The following RAG1 variants were observed in gnomAD, a reference collection of about 807,000 sequenced individuals.
RAG1 encodes the protein recombination activating 1.
In RAG1, 35 loss-of-function variants were observed where a neutral mutation model predicts 62.7. That is an observed-to-expected ratio of 0.56 (90% CI 0.43 to 0.74). RAG1 has a LOEUF of 0.74. RAG1 is among the 30% of genes least tolerant of loss of function. The probability of loss-of-function intolerance (pLI) is 0.00; values close to 1 mark genes in which losing one functional copy is unlikely to be tolerated. For missense variants in RAG1, 1,169 were observed against 1,278.6 expected (o/e 0.91, Z 1.31); for synonymous variants, 461 against 470.3 (o/e 0.98, Z 0.26).
In RAG1 at chr11:36,576,733, G is replaced by A. The variant is rs1850858648; in HGVS notation, c.*297G>A. 2.5e-6 allele frequency: 1 copy of A among 397,770 alleles called. No homozygotes were observed. The highest frequency in any genetic ancestry group is 3.2e-5 in the South Asian group (1 of 30,962). 24.6% of individuals were successfully genotyped at this position (397,770 alleles called of 1,614,324 possible). A position where few individuals can be genotyped will look rare whatever the true frequency, so the allele number is the denominator to read the frequency against. ...AGATGAGCAAAGATCTGTGTGTGTTGGGGAGCTGTCATGTAAATCAAAGCC... is the reference window on the plus strand; with the variant it reads ...AGATGAGCAAAGATCTGTGTGTGTTAGGGAGCTGTCATGTAAATCAAAGCC... On this transcript the variant is annotated 3_prime_UTR_variant, in exon 2 of 2. Coordinates refer to ENST00000299440, the MANE Select transcript of RAG1 (RefSeq NM_000448.3).
intron 3 of RAG1, among the ~76,000 whole-genome samples, chr11:36,561,112 T>C (rs114570077): frequency 0.019 from 2,849 of 152,312 alleles, 96 homozygotes; most frequent in African/African-American, 0.064. Context: ...TGGATTAAAC[T>C]GGAAGCTGGA....
In RAG1 at chr11:36,577,452, C is replaced by T. The variant is rs1177634522; in HGVS notation, c.*1016C>T. 1 of 167,018 alleles carries T rather than the reference C, an allele frequency of 6.0e-6. No individual in the cohort carries two copies. The highest frequency in any genetic ancestry group is 1.5e-5 in the Non-Finnish European group (1 of 68,122). 10.3% of individuals were successfully genotyped at this position (167,018 alleles called of 1,614,324 possible). A position where few individuals can be genotyped will look rare whatever the true frequency, so the allele number is the denominator to read the frequency against. On this transcript the variant is annotated 3_prime_UTR_variant, in exon 2 of 2. Coordinates refer to ENST00000299440, the MANE Select transcript of RAG1 (RefSeq NM_000448.3). Reference sequence around the variant, plus strand: ...AGGTTTCATAGAGTCCTCTCCTCTGCAATGTGTTATTCTTTCTATAATGAT... The same window carrying T: ...AGGTTTCATAGAGTCCTCTCCTCTGTAATGTGTTATTCTTTCTATAATGAT...
chr11:36,510,943 G>A (rs1402813465), exon 1 of RAG1: 1 of 152,206 alleles, frequency 6.6e-6, no homozygotes, highest in East Asian at 1.9e-4. Flanking sequence ...CCACCTCTTA[G>A]GGGAGGTTTT....
Position 36,518,493 on chromosome 11 carries a change from C to A in RAG1, n.331-1639C>A, listed in dbSNP as rs897640432. 7.9e-5 allele frequency among the ~76,000 whole-genome samples: 12 copies of A among 152,214 alleles called. 1 individual carries two copies. Among genetic ancestry groups the A allele is most frequent in the Admixed American group, 7.2e-4 (11 of 15,282 alleles). ...GTGTTCCTATTTCTCCACATCCTCT[C>A]CAGCACTTGTTGTTTCCTGACTTTT... On this transcript the variant is annotated intron_variant and non_coding_transcript_variant, in intron 1 of 2. Transcript: ENST00000529126.
intron 2 of RAG1, among the ~76,000 whole-genome samples, chr11:36,520,406 C>G (rs1478270821): frequency 6.6e-6 from 1 of 152,036 alleles, no homozygotes; most frequent in Non-Finnish European, 1.5e-5. Flanking sequence ...GTAGCTGGGA[C>G]TACAGGCTCG....
chr11:36,550,709 C>G lies in RAG1; in HGVS notation c.-411-12676C>G, dbSNP rs921168072. ...GTCTTTTCTCAGTGCCTTTTTCCTT[C>G]TCTTGCCTAGTTGGACTTAATTCTC... On this transcript the variant is annotated intron_variant and NMD_transcript_variant, in intron 3 of 9. Transcript: ENST00000534663. Among the ~76,000 whole-genome samples, 37 of 152,242 alleles carry G rather than the reference C, an allele frequency of 2.4e-4. 1 individual carries two copies. The highest frequency in any genetic ancestry group is 8.5e-4 in the Admixed American group (13 of 15,286).
rs187498735 is a variant in RAG1 at position 36,568,522 on chromosome 11, T to C, written c.-15+400T>C. Among the ~76,000 whole-genome samples the C allele has an allele frequency of 2.9e-3, 443 of 152,300 alleles. 2 individuals are homozygous for C. Among genetic ancestry groups the C allele is most frequent in the African/African-American group, 0.01 (432 of 41,570 alleles). ...GTATGGTTTCCCAGGTATTAACAAG[T>C]ATTGCCAGGCATTTCCTGAACTAGA... On this transcript the variant is annotated intron_variant, in intron 1 of 1. Coordinates refer to ENST00000299440, the MANE Select transcript of RAG1 (RefSeq NM_000448.3).
In RAG1 at chr11:36,575,352, AG is replaced by A. The variant is rs771963818; in HGVS notation, c.2050del (p.Ala684ProfsTer2). 1 of 1,614,098 alleles carries A rather than the reference AG, an allele frequency of 6.2e-7. No homozygotes were observed. Among genetic ancestry groups the A allele is most frequent in the East Asian group, 2.2e-5 (1 of 44,866 alleles). On this transcript the variant is annotated frameshift_variant, in exon 2 of 2. Coordinates refer to ENST00000299440, the MANE Select transcript of RAG1 (RefSeq NM_000448.3). LOFTEE classifies it high-confidence loss of function. This position sits in a 1 kb window ranked among gnomAD's most constrained non-coding sequence, Gnocchi z 4.1. The stretch of plus-strand genomic sequence containing the variant: ...CTGAGTCCTCTCATTGCTGAGAGGG[AG>A]GCCATGAAGAGCAGTGAATTAATGC... ...AILSPLIAER[E>X]AMKSSELMLE...
intron 3 of RAG1, among the ~76,000 whole-genome samples, chr11:36,559,446 A>G (rs1210727239): frequency 6.6e-6 from 1 of 152,180 alleles, no homozygotes; most frequent in African/African-American, 2.4e-5. Flanking sequence ...CTAATATTTT[A>G]TTAGAGTTTC....
At chr11:36,545,630 T>C (rs1351737509) in intron 3 of RAG1, among the ~76,000 whole-genome samples, 3 of 152,352 alleles carry the variant, frequency 2.0e-5, no homozygotes, top group East Asian at 3.9e-4. Context: ...TATTGCCAAA[T>C]TGCTGTCCAT....
At position 36,573,528 on chromosome 11, in the gene RAG1, T is replaced by A; in HGVS notation, c.224T>A (p.Val75Asp). 1 of 1,614,182 alleles carries A rather than the reference T, an allele frequency of 6.2e-7. No individual in the cohort carries two copies. Among genetic ancestry groups the A allele is most frequent in the Non-Finnish European group, 8.5e-7 (1 of 1,180,030 alleles). ...GACAAGGCTGATGGTCAGAAGCCAGTCCCAACTCAGCCATTGTTAAAAGCC... is the reference window on the plus strand; with the variant it reads ...GACAAGGCTGATGGTCAGAAGCCAGACCCAACTCAGCCATTGTTAAAAGCC... ...VLDKADGQKP[V>D]PTQPLLKAHP... The change falls in exon 2 of 2, where the codon GTC becomes GAC. Residue 75 changes from valine (V) to aspartate (D), a missense_variant. Physicochemically the swap from Val to Asp is radical, Grantham distance 152. This residue lies in a region of RAG1 where 369 missense variants were observed against 335.3 expected (regional missense o/e 1.10). Transcript: ENST00000299440.
chr11:36,564,747 G>A (rs1046414837), upstream of RAG1, among the ~76,000 whole-genome samples: 1 of 152,208 alleles, frequency 6.6e-6, no homozygotes, highest in Middle Eastern at 3.2e-3. Flanking sequence ...GGGGAGAAAT[G>A]AGCGTGTGGA....
chr11:36,541,752 T>A (rs1219471767), intron 3 of RAG1, among the ~76,000 whole-genome samples: 1 of 152,152 alleles, frequency 6.6e-6, no homozygotes, highest in Non-Finnish European at 1.5e-5. Flanking sequence ...GCCTGCAAAG[T>A]AGTTCATTCC....
intron 1 of RAG1, among the ~76,000 whole-genome samples, chr11:36,517,724 A>C (rs933892886): frequency 6.6e-6 from 1 of 152,208 alleles, no homozygotes; most frequent in Non-Finnish European, 1.5e-5. Flanking sequence ...GAATGCATCC[A>C]CCAAAAAGTC....
At position 36,573,493 on chromosome 11, in the gene RAG1, A is replaced by T. The variant is rs34357808; in HGVS notation, c.189A>T (p.Pro63=). 7.4e-6 allele frequency: 12 copies of T among 1,614,234 alleles called. No homozygotes were observed. In the South Asian group the frequency reaches 1.3e-4, roughly 18 times the overall value. The part of the protein sequence containing the change: ...FEGKPSLEQS[P]AVLDKADGQK... ...GGAAACCCTCTCTGGAGCAATCTCC[A>T]GCAGTCCTGGACAAGGCTGATGGTC... Residue 63 remains proline (P), a synonymous_variant, in exon 2 of 2, where the codon CCA becomes CCT. Coordinates refer to ENST00000299440, the MANE Select transcript of RAG1 (RefSeq NM_000448.3).
At chr11:36,551,351 T>A (rs1328888604) in intron 3 of RAG1, among the ~76,000 whole-genome samples, 1 of 152,122 alleles carries the variant, frequency 6.6e-6, no homozygotes, top group Non-Finnish European at 1.5e-5. Context: ...TAACAAAGTA[T>A]CATAGAGTAG....
intron 1 of RAG1, among the ~76,000 whole-genome samples, chr11:36,516,416 G>T (rs1002964458): frequency 2.6e-5 from 4 of 152,250 alleles, no homozygotes; most frequent in African/African-American, 9.6e-5. Flanking sequence ...CCGCCTCCCG[G>T]GCTCACGCCA....
Position 36,576,666 on chromosome 11 carries a change from A to T in RAG1, c.*230A>T. On this transcript the variant is annotated 3_prime_UTR_variant, in exon 2 of 2. Coordinates refer to ENST00000299440, the MANE Select transcript of RAG1 (RefSeq NM_000448.3). ...AGCAACAGGAAAAATCAGTTATCTG[A>T]AAGCTCAGTAACTCAGAACAGGAGT... 1.8e-6 allele frequency: 1 copy of T among 568,338 alleles called. No individual in the cohort carries two copies. The highest frequency in any genetic ancestry group is 3.2e-6 in the Non-Finnish European group (1 of 310,306). 35.2% of individuals were successfully genotyped at this position (568,338 alleles called of 1,614,324 possible).
chr11:36,576,104 A>G lies in RAG1; in HGVS notation c.2800A>G (p.Lys934Glu), dbSNP rs950170097. Residue 934 changes from lysine (K) to glutamate (E), a missense_variant, in exon 2 of 2, where the codon AAA (lysine) becomes GAA (glutamate). Physicochemically the swap from Lys to Glu is moderately conservative, Grantham distance 56 (BLOSUM62 1). This residue lies in a region of RAG1 where 800 missense variants were observed against 943.3 expected (regional missense o/e 0.85). Transcript: ENST00000299440. ...STKFKYRYEGKITNYFHKTLA... is the reference protein window; with the variant it reads ...STKFKYRYEGEITNYFHKTLA... The stretch of plus-strand genomic sequence containing the variant: ...GAAGTTCAAGTATAGGTATGAGGGA[A>G]AAATCACCAATTATTTTCACAAAAC... 8.1e-6 allele frequency: 13 copies of G among 1,614,064 alleles called. No homozygotes were observed. The highest frequency in any genetic ancestry group is 1.1e-5 in the Non-Finnish European group (13 of 1,180,042).
Sources: allele counts gnomAD v4.1 joint callset (sites outside exome capture counted in the v4.1 genomes callset), GRCh38; gene constraint gnomAD v4.1.1; regional missense constraint gnomAD v4.1.1; non-coding constraint Gnocchi (gnomAD v3.1); transcripts MANE v1.5; gene names NCBI Gene and HGNC (gene_info 2026-07-23, HGNC 2026-07-21).